BMAL1: variants seen among roughly 807,000 people sequenced by gnomAD.
The protein encoded by BMAL1 is basic helix-loop-helix ARNT-like protein 1.
At chr11:13,358,911 T>G in the BMAL1 span, among the ~76,000 whole-genome samples, 1 of 152,226 alleles carries the variant, frequency 6.6e-6, no homozygotes, top group Non-Finnish European at 1.5e-5. Flanking sequence ...TTGCCTATGT[T>G]TGTGCCTGGA....
chr11:13,322,999 G>C, the BMAL1 span, among the ~76,000 whole-genome samples: 1 of 150,758 alleles, frequency 6.6e-6, no homozygotes. Context: ...GTCTAGCCAT[G>C]TTGCCCAGGC....
At chr11:13,341,483 C>T in the BMAL1 span, among the ~76,000 whole-genome samples, 1 of 152,242 alleles carries the variant, frequency 6.6e-6, no homozygotes, top group South Asian at 2.1e-4. Context: ...GCCCCTGCTG[C>T]CTGGCCCAGC....
the BMAL1 span, among the ~76,000 whole-genome samples, chr11:13,361,941 G>A: frequency 6.6e-6 from 1 of 152,192 alleles, no homozygotes; most frequent in Non-Finnish European, 1.5e-5. Context: ...CTCAACAGTG[G>A]ACTTCAGCTT....
At chr11:13,339,430 T>TACACAC in the BMAL1 span, among the ~76,000 whole-genome samples, 4,029 of 143,922 alleles carry the variant, frequency 0.028, 171 homozygotes, top group African/African-American at 0.087. Context: ...GCCCTGCTTT[T>TACACAC]ACACACACAC....
the BMAL1 span, chr11:13,354,371 C>T: frequency 1.2e-5 from 20 of 1,614,046 alleles, no homozygotes; most frequent in Middle Eastern, 1.6e-4. Flanking sequence ...CGGGCCCCAC[C>T]GACCTGCTTT....
At chr11:13,314,271 A>ACACACACACT in the BMAL1 span, among the ~76,000 whole-genome samples, 2 of 146,386 alleles carry the variant, frequency 1.4e-5, no homozygotes, top group African/African-American at 2.6e-5. Flanking sequence ...ACACACACAC[A>ACACACACACT]CTCTGTCTCT....
At chr11:13,332,848 C>T in the BMAL1 span, among the ~76,000 whole-genome samples, 2 of 152,074 alleles carry the variant, frequency 1.3e-5, no homozygotes, top group African/African-American at 4.8e-5. Flanking sequence ...GGGAAGTAGC[C>T]TGCGAACTGG....
chr11:13,281,126 C>T, the BMAL1 span, among the ~76,000 whole-genome samples: 1 of 152,112 alleles, frequency 6.6e-6, no homozygotes, highest in East Asian at 1.9e-4. Context: ...GCTGCCATTC[C>T]TTCTCACCTC....
At chr11:13,284,788 C>T in the BMAL1 span, among the ~76,000 whole-genome samples, 8 of 152,102 alleles carry the variant, frequency 5.3e-5, no homozygotes, top group African/African-American at 1.9e-4. Flanking sequence ...GATGACAGGC[C>T]AGCTTTGCCT....
the BMAL1 span, among the ~76,000 whole-genome samples, chr11:13,328,128 C>T: frequency 2.0e-5 from 3 of 152,142 alleles, no homozygotes; most frequent in Non-Finnish European, 4.4e-5. Flanking sequence ...CTGATTTGCA[C>T]ATAAACACAA....
chr11:13,383,701 A>T, the BMAL1 span, among the ~76,000 whole-genome samples: 1 of 151,694 alleles, frequency 6.6e-6, no homozygotes, highest in Admixed American at 6.6e-5. Flanking sequence ...AATACAAAAA[A>T]AATTATCCAG....
At chr11:13,326,964 C>T in the BMAL1 span, among the ~76,000 whole-genome samples, 43 of 152,036 alleles carry the variant, frequency 2.8e-4, 1 homozygote, top group African/African-American at 8.7e-4. Flanking sequence ...GGACTACAGG[C>T]GCCCGCCACC....
chr11:13,385,128 G>A, the BMAL1 span, among the ~76,000 whole-genome samples: 2,342 of 152,248 alleles, frequency 0.015, 63 homozygotes, highest in African/African-American at 0.054. Context: ...TGGGGTGAGT[G>A]GGGGAGATTT....
At chr11:13,283,091 A>T in the BMAL1 span, among the ~76,000 whole-genome samples, 5 of 152,230 alleles carry the variant, frequency 3.3e-5, no homozygotes, top group African/African-American at 4.8e-5. Context: ...GAGTACTGGC[A>T]TGTAATGGAG....
the BMAL1 span, among the ~76,000 whole-genome samples, chr11:13,385,975 G>A: frequency 6.6e-6 from 1 of 152,166 alleles, no homozygotes; most frequent in Non-Finnish European, 1.5e-5. Context: ...TTTGGTGGAG[G>A]TCCAAGTTTG....
chr11:13,352,993 A>C, the BMAL1 span, among the ~76,000 whole-genome samples: 1 of 152,240 alleles, frequency 6.6e-6, no homozygotes, highest in East Asian at 1.9e-4. Flanking sequence ...TAATGCTTTT[A>C]AAATACGAGT....
the BMAL1 span, among the ~76,000 whole-genome samples, chr11:13,368,201 ATAG>A: frequency 6.6e-6 from 1 of 152,262 alleles, no homozygotes; most frequent in African/African-American, 2.4e-5. Context: ...AGCACCCTGC[ATAG>A]TAATAGGTAC....
the BMAL1 span, among the ~76,000 whole-genome samples, chr11:13,313,192 G>A: frequency 5.3e-5 from 8 of 152,320 alleles, no homozygotes; most frequent in South Asian, 1.2e-3. Flanking sequence ...TCTGCTGAGC[G>A]TGCCTCTCCT....
At chr11:13,376,500 C>A in the BMAL1 span, 1 of 814,576 alleles carries the variant, frequency 1.2e-6, no homozygotes. Flanking sequence ...ACAGTGAGAC[C>A]TGTTTACCCA....
Sources: gnomAD v4.1 joint callset for allele counts (sites outside exome capture counted in the v4.1 genomes callset) on GRCh38, gnomAD v4.1.1 for gene constraint, MANE v1.5 for transcripts, NCBI Gene and HGNC (gene_info 2026-07-23, HGNC 2026-07-21) for gene names.